The following SLC25A27 variants were observed in gnomAD, a reference collection of about 807,000 sequenced individuals.
SLC25A27 encodes the protein mitochondrial uncoupling protein 4.
A neutral mutation model predicts 49.1 loss-of-function variants in SLC25A27; 35 were observed. The ratio of observed to expected loss-of-function variants is 0.71; its 90% confidence interval spans 0.54 to 0.95. The LOEUF (loss-of-function observed/expected upper bound fraction) is 0.95. SLC25A27 is among the 40% of genes least tolerant of loss of function. The pLI, the probability that SLC25A27 is intolerant of heterozygous loss-of-function variation, is 0.00. For missense variants in SLC25A27, 339 were observed against 397.1 expected (o/e 0.85, Z 1.24); for synonymous variants, 144 against 136.9 (o/e 1.05, Z -0.36).
At position 46,669,785 on chromosome 6, in the gene SLC25A27, T is replaced by A. The variant is rs1055302160; in HGVS notation, c.705-350T>A. Among the ~76,000 whole-genome samples, 12 of 152,202 alleles carry A rather than the reference T, an allele frequency of 7.9e-5. 1 individual carries two copies. The highest frequency in any genetic ancestry group is 7.2e-4 in the Admixed American group (11 of 15,282). ...GTCACCCAGTTGCTCCCTGTCACAC[T>A]TCCCCATGTTTTTTTCATAGCTTTT... is the stretch of plus-strand genomic sequence containing the variant. On this transcript the variant is annotated intron_variant, in intron 6 of 8. Transcript: ENST00000371347.
chr6:46,658,781 A>T, intron 2 of SLC25A27, 181 bp from the exon 3 acceptor site: 1 of 612,372 alleles, frequency 1.6e-6, no homozygotes, highest in Middle Eastern at 2.6e-4. Flanking sequence ...GTCTGAAAAG[A>T]GCATGCCCCA....
At chr6:46,673,856 T>C (rs965300915) in intron 8 of SLC25A27, among the ~76,000 whole-genome samples, 2 of 152,156 alleles carry the variant, frequency 1.3e-5, no homozygotes, top group Admixed American at 6.6e-5. Context: ...AGTAGATGCA[T>C]TGAAAGCTAG....
intron 4 of SLC25A27, among the ~76,000 whole-genome samples, chr6:46,662,953 T>C (rs532676807): frequency 6.6e-6 from 1 of 152,176 alleles, no homozygotes; most frequent in Admixed American, 6.5e-5. Flanking sequence ...CTTGCTTTCA[T>C]TCCCTTTCTC....
intron 5 of SLC25A27, among the ~76,000 whole-genome samples, chr6:46,665,217 A>C (rs1405831506): frequency 6.6e-6 from 1 of 152,156 alleles, no homozygotes; most frequent in African/African-American, 2.4e-5. Context: ...TCTGATCATT[A>C]TTATATCCAG....
Position 46,660,230 on chromosome 6 carries a change from C to CTGTGTGTG in SLC25A27, c.383+1200_383+1207dup, listed in dbSNP as rs140354056. 3.1e-3 allele frequency among the ~76,000 whole-genome samples: 450 copies of CTGTGTGTG among 147,406 alleles called. 5 individuals are homozygous for CTGTGTGTG. The highest frequency in any genetic ancestry group is 9.8e-3 in the African/African-American group (387 of 39,526). On this transcript the variant is annotated intron_variant, in intron 3 of 8. Transcript: ENST00000371347. ...ACCAAACTGTTCTTCACCTCTGTGT[C>CTGTGTGTG]TGTGTGTGTGTGTGTGTGTGTGTAT...
At chr6:46,668,936 C>A in intron 6 of SLC25A27, 143 bp downstream of exon 6, 1 of 543,804 alleles carries the variant, frequency 1.8e-6, no homozygotes, top group Non-Finnish European at 3.3e-6. Flanking sequence ...AGAGAAATTT[C>A]TTAAAGTTTC....
rs555364309 is a variant in SLC25A27, at chr6:46,659,980, C to T, written c.383+934C>T. Among the ~76,000 whole-genome samples, 8 of 152,070 alleles carry T rather than the reference C, an allele frequency of 5.3e-5. No individual in the cohort carries two copies. The East Asian group carries it at 9.6e-4, about 18-fold the overall frequency. ...CCTCCTCCATCCTCAAATGTGTACC[C>T]GGTATCCAGAGTGATTTATTTGAAA... On this transcript the variant is annotated intron_variant, in intron 3 of 8. Coordinates refer to ENST00000371347, the MANE Select transcript of SLC25A27 (RefSeq NM_004277.5).
At position 46,663,528 on chromosome 6, in the gene SLC25A27, A is replaced by G. The variant is rs201860127; in HGVS notation, c.506+1030A>G. Among the ~76,000 whole-genome samples, 69 of 152,272 alleles carry G rather than the reference A, an allele frequency of 4.5e-4. No individual in the cohort carries two copies. In the Middle Eastern group the frequency reaches 0.014, roughly 30 times the overall value. Reference sequence around the variant, plus strand: ...AGTTTGTCATCTTATAACAACTTCTAATGACTAAATAACAGGGAGAAGTCA... The same window carrying G: ...AGTTTGTCATCTTATAACAACTTCTGATGACTAAATAACAGGGAGAAGTCA... On this transcript the variant is annotated intron_variant, in intron 4 of 8. Transcript: ENST00000371347.
At chr6:46,668,583 G>C in intron 5 of SLC25A27, 126 bp from the exon 6 acceptor site, 1 of 605,600 alleles carries the variant, frequency 1.7e-6, no homozygotes, top group Non-Finnish European at 3.0e-6. Context: ...TGCTTTCCTT[G>C]AGAACAAGAA....
In SLC25A27 at chr6:46,668,789, T is replaced by G; in HGVS notation, c.700T>G (p.Ser234Ala). 1 of 1,581,980 alleles carries G rather than the reference T, an allele frequency of 6.3e-7. No homozygotes were observed. Among genetic ancestry groups the G allele is most frequent in the Non-Finnish European group, 8.7e-7 (1 of 1,151,486 alleles). Residue 234 changes from serine to alanine, a missense_variant, in exon 6 of 9, where the codon TCA becomes GCA. Coordinates refer to ENST00000371347, the MANE Select transcript of SLC25A27 (RefSeq NM_004277.5). The stretch of plus-strand genomic sequence containing the variant: ...GGACAATATCATGACTCACGGTTTA[T>G]CAAGGTAAGGATTGTTTTAGTTGGA... The part of the protein sequence containing the change: ...LEDNIMTHGL[S>A]SLCSGLVASI...
At chr6:46,660,224 C>CTGTGTGTGTGTGTGTGTGTGTG (rs1293267506) in intron 3 of SLC25A27, among the ~76,000 whole-genome samples, 3 of 22,916 alleles carry the variant, frequency 1.3e-4, no homozygotes, top group African/African-American at 1.1e-3. Flanking sequence ...TTCTTCACCT[C>CTGTGTGTGTGTGTGTGTGTGTG]TGTGTCTGTG....
intron 3 of SLC25A27, 58 bp downstream of exon 3, chr6:46,659,104 G>T: frequency 8.9e-7 from 1 of 1,121,452 alleles, no homozygotes; most frequent in African/African-American, 1.6e-5. Flanking sequence ...TGTTTATTAG[G>T]TTTATGTAAA....
In SLC25A27 at chr6:46,676,953, G is replaced by A. The variant is rs978713682; in HGVS notation, c.*499G>A. 5.3e-6 allele frequency: 2 copies of A among 374,376 alleles called. No individual in the cohort carries two copies. The highest frequency in any genetic ancestry group is 9.5e-6 in the Non-Finnish European group (2 of 210,182). 23.2% of individuals were successfully genotyped at this position (374,376 alleles called of 1,614,324 possible). A position where few individuals can be genotyped will look rare whatever the true frequency, so the allele number is the denominator to read the frequency against. ...CTGTCATTGTTAAAGCGTACATACT[G>A]TAAATTAAAGGGAGGTGAATGGAAA... On this transcript the variant is annotated 3_prime_UTR_variant, in exon 9 of 9. Coordinates refer to ENST00000371347, the MANE Select transcript of SLC25A27 (RefSeq NM_004277.5).
intron 5 of SLC25A27, among the ~76,000 whole-genome samples, chr6:46,665,511 C>T (rs1011908513): frequency 2.0e-5 from 3 of 152,082 alleles, no homozygotes; most frequent in Non-Finnish European, 2.9e-5. Flanking sequence ...TGGTGAAACC[C>T]CGTCTCTACT....
In SLC25A27 at chr6:46,655,956, A is replaced by T; in HGVS notation, c.220A>T (p.Thr74Ser). Residue 74 changes from threonine (T) to serine (S), a missense_variant, in exon 2 of 9, where the codon ACA becomes TCA. By Grantham distance (58) the Thr-to-Ser change is moderately conservative. Transcript: ENST00000371347. ...TGCCCCCTATAGGGGAATGGTGCGCACAGCTCTAGGGATCATTGAAGAGGA... is the reference window on the plus strand; with the variant it reads ...TGCCCCCTATAGGGGAATGGTGCGCTCAGCTCTAGGGATCATTGAAGAGGA... Reference protein sequence around the residue: ...ESAPYRGMVRTALGIIEEEGF... With the variant: ...ESAPYRGMVRSALGIIEEEGF... 6.2e-7 allele frequency: 1 copy of T among 1,614,012 alleles called. No individual in the cohort carries two copies. Among genetic ancestry groups the T allele is most frequent in the Non-Finnish European group, 8.5e-7 (1 of 1,179,986 alleles).
At position 46,668,765 on chromosome 6, in the gene SLC25A27, G is replaced by T; in HGVS notation, c.676G>T (p.Asp226Tyr). 6.2e-7 allele frequency: 1 copy of T among 1,607,770 alleles called. No homozygotes were observed. Among genetic ancestry groups the T allele is most frequent in the Non-Finnish European group, 8.5e-7 (1 of 1,174,862 alleles). ...CTTGGTATTGAATACACCACTTGAG[G>T]ACAATATCATGACTCACGGTTTATC... ...HYLVLNTPLE[D>Y]NIMTHGLSSL... Residue 226 changes from aspartate to tyrosine, a missense_variant, in exon 6 of 9, where the codon GAC (aspartate) becomes TAC (tyrosine). Coordinates refer to ENST00000371347, the MANE Select transcript of SLC25A27 (RefSeq NM_004277.5).
chr6:46,675,720 AC>A (rs1173993538), intron 8 of SLC25A27, among the ~76,000 whole-genome samples: 1 of 152,156 alleles, frequency 6.6e-6, no homozygotes, highest in Non-Finnish European at 1.5e-5. Flanking sequence ...TTTACAGTTT[AC>A]ATCTTTAGCA....
intron 3 of SLC25A27, among the ~76,000 whole-genome samples, chr6:46,660,224 C>CTGTGTGTGTG (rs1293267506): frequency 8.7e-5 from 2 of 22,916 alleles, no homozygotes; most frequent in East Asian, 1.6e-3. Flanking sequence ...TTCTTCACCT[C>CTGTGTGTGTG]TGTGTCTGTG....
In SLC25A27 at chr6:46,653,160, A is replaced by G; in HGVS notation, c.-33A>G. 1 of 1,585,618 alleles carries G rather than the reference A, an allele frequency of 6.3e-7. No homozygotes were observed. The highest frequency in any genetic ancestry group is 8.6e-7 in the Non-Finnish European group (1 of 1,157,440). On this transcript the variant is annotated 5_prime_UTR_variant, in exon 1 of 9. Coordinates refer to ENST00000371347, the MANE Select transcript of SLC25A27 (RefSeq NM_004277.5). ...CGGCGCGGTGCAGCGCAGCGGCGAG[A>G]AGGAGTGCGTTATCGTCTTGCGCTA...
Sources: gnomAD v4.1 joint callset for allele counts (sites outside exome capture counted in the v4.1 genomes callset) on GRCh38, gnomAD v4.1.1 for gene constraint, MANE v1.5 for transcripts, NCBI Gene and HGNC (gene_info 2026-07-23, HGNC 2026-07-21) for gene names.